The following NPAS1 variants were observed in gnomAD, a reference collection of about 807,000 sequenced individuals.
NPAS1 encodes neuronal PAS domain-containing protein 1.
In NPAS1, 29 loss-of-function variants were observed where a neutral mutation model predicts 49.2. The observed-to-expected ratio is 0.59, with a 90% CI of 0.44 to 0.80. NPAS1 has a LOEUF of 0.80. Ranked by LOEUF, NPAS1 falls within the 30% of genes least tolerant of loss-of-function variation. The pLI, the probability that NPAS1 is intolerant of heterozygous loss-of-function variation, is 0.00. For missense variants in NPAS1, 825 were observed against 835.5 expected (o/e 0.99, Z 0.15); for synonymous variants, 408 against 380.4 (o/e 1.07, Z -0.84).
At chr19:47,032,055 A>G (rs749094444) in intron 3 of NPAS1, among the ~76,000 whole-genome samples, 1 of 151,790 alleles carries the variant, frequency 6.6e-6, no homozygotes, top group South Asian at 2.1e-4. Flanking sequence ...GAGTCCCTCT[A>G]TGCACCCCCT....
In NPAS1 at chr19:47,023,930, T is replaced by C. The variant is rs1207446270; in HGVS notation, c.358+2083T>C. On this transcript the variant is annotated intron_variant, in intron 3 of 11. Transcript: ENST00000602212. The stretch of plus-strand genomic sequence containing the variant: ...GACCATCCTGGCCAACATGGTAAAA[T>C]CCCATCTCTACTAAAATACAAAAAA... Among the ~76,000 whole-genome samples, 7 of 151,566 alleles carry C rather than the reference T, an allele frequency of 4.6e-5. No homozygotes were observed. The South Asian group carries it at 1.3e-3, about 27-fold the overall frequency.
chr19:47,042,967 C>A, intron 11 of NPAS1, 63 bp downstream of exon 11: 3 of 1,303,880 alleles, frequency 2.3e-6, no homozygotes, highest in South Asian at 1.5e-5. Flanking sequence ...TCCTGGCTGT[C>A]CATTCCAGAA....
At chr19:47,023,961 C>T (rs1482828854) in intron 3 of NPAS1, among the ~76,000 whole-genome samples, 3 of 151,816 alleles carry the variant, frequency 2.0e-5, no homozygotes, top group Non-Finnish European at 2.9e-5. Context: ...AAAAATTAGC[C>T]GGGCGTGGTG....
rs201170173 is a variant in NPAS1, at chr19:47,031,181, T to TTG, written c.359-1085_359-1084dup. Among the ~76,000 whole-genome samples the TTG allele has an allele frequency of 3.5e-4, 50 of 141,058 alleles. 2 individuals carry two copies. The highest frequency in any genetic ancestry group is 3.5e-3 in the Middle Eastern group (1 of 282). The allele number at this position is 141,058 out of a possible 152,430, so 92.5% of individuals were successfully genotyped here. On this transcript the variant is annotated intron_variant, in intron 3 of 11. Coordinates refer to ENST00000602212, the MANE Select transcript of NPAS1 (RefSeq NM_002517.4). ...GGTAATTCCATATTTGTTAGTTTCT[T>TTG]TGTGTGTGTGTGTTTTTTTTTTTTT...
rs1456191591 is a variant in NPAS1 at position 47,045,561 on chromosome 19, G to C, written c.1683G>C (p.Pro561=). The part of the protein sequence containing the change: ...LVYPHLQRLG[P]GPALPEAFYP... ...ACCCGCACCTGCAGAGGCTGGGTCC[G>C]GGCCCCGCGCTCCCGGAGGCCTTTT... Residue 561 remains proline (P), a synonymous_variant, in exon 12 of 12, where the codon CCG becomes CCC. Coordinates refer to ENST00000602212, the MANE Select transcript of NPAS1 (RefSeq NM_002517.4). 8 of 1,506,236 alleles carry C rather than the reference G, an allele frequency of 5.3e-6. No homozygotes were observed. Among genetic ancestry groups the C allele is most frequent in the African/African-American group, 1.4e-5 (1 of 70,232 alleles). 93.3% of individuals were successfully genotyped at this position (1,506,236 alleles called of 1,614,324 possible).
rs878992848 is a variant in NPAS1 at position 47,035,927 on chromosome 19, C to T, written c.523-37C>T. ...GGCGAGCGAGTTACTGCGCGCGCAC[C>T]TCACCCGCCCCCTGCATTCCCCTCC... On this transcript the variant is annotated intron_variant, in intron 5 of 11. Transcript: ENST00000602212. The T allele has an allele frequency of 4.1e-6, 6 of 1,475,934 alleles. No individual in the cohort carries two copies. In the African/African-American group the frequency reaches 5.7e-5, roughly 14 times the overall value. 91.4% of individuals were successfully genotyped at this position (1,475,934 alleles called of 1,614,324 possible). A position where few individuals can be genotyped will look rare whatever the true frequency, so the allele number is the denominator to read the frequency against.
intron 3 of NPAS1, among the ~76,000 whole-genome samples, chr19:47,022,837 C>T (rs1481952665): frequency 6.6e-6 from 1 of 152,212 alleles, no homozygotes; most frequent in African/African-American, 2.4e-5. Flanking sequence ...ATTATTATTA[C>T]TCAGACTTTA....
At chr19:47,027,391 G>A (rs1390798382) in intron 3 of NPAS1, among the ~76,000 whole-genome samples, 2 of 117,324 alleles carry the variant, frequency 1.7e-5, no homozygotes, top group African/African-American at 6.8e-5. Flanking sequence ...TCTGCACCCG[G>A]TTTCCCCCTC....
chr19:47,045,337 C>T lies in NPAS1; in HGVS notation c.1459C>T (p.Pro487Ser). ...DSGDEDPSSH[P>S]ATPRPEFTSV... ...TGGCGACGAGGATCCCTCCAGCCACCCGGCCACACCGAGGCCCGAGTTCAC... is the reference window on the plus strand; with the variant it reads ...TGGCGACGAGGATCCCTCCAGCCACTCGGCCACACCGAGGCCCGAGTTCAC... The change falls in exon 12 of 12, where the codon CCG becomes TCG. Residue 487 changes from proline to serine, a missense_variant. By Grantham distance (74) the Pro-to-Ser change is moderately conservative. Coordinates refer to ENST00000602212, the MANE Select transcript of NPAS1 (RefSeq NM_002517.4). The T allele has an allele frequency of 6.2e-7, 1 of 1,613,866 alleles. No homozygotes were observed.
chr19:47,034,871 C>T (rs2056936217), intron 5 of NPAS1, among the ~76,000 whole-genome samples: 1 of 150,682 alleles, frequency 6.6e-6, no homozygotes. Flanking sequence ...AGCAAAACCC[C>T]ATCTCAAAAA....
intron 11 of NPAS1, among the ~76,000 whole-genome samples, chr19:47,044,386 C>CAAAACAA (rs1568512244): frequency 2.0e-5 from 3 of 151,836 alleles, no homozygotes; most frequent in East Asian, 1.9e-4. Flanking sequence ...CAAAACAAAA[C>CAAAACAA]AAAAAACACT....
At position 47,021,038 on chromosome 19, in the gene NPAS1, C is replaced by T. The variant is rs1263604616; in HGVS notation, c.-10C>T. ...GGGGCTCGGAGCCCGCCTGAGCGAG[C>T]CCCCCGGAGATGGCGGCCCCCTATC... On this transcript the variant is annotated 5_prime_UTR_variant, in exon 2 of 12. Transcript: ENST00000602212. The surrounding 1 kb of genome is among the most constrained non-coding windows in gnomAD (Gnocchi z 5.7). The T allele has an allele frequency of 2.0e-5, 32 of 1,596,026 alleles. No homozygotes were observed. Among genetic ancestry groups the T allele is most frequent in the Non-Finnish European group, 2.6e-5 (30 of 1,173,510 alleles).
At position 47,025,428 on chromosome 19, in the gene NPAS1, G is replaced by A. The variant is rs187719356; in HGVS notation, c.358+3581G>A. 2.1e-3 allele frequency among the ~76,000 whole-genome samples: 206 copies of A among 96,052 alleles called. 66 individuals are homozygous for A. In the East Asian group the frequency reaches 0.089, roughly 42 times the overall value. 63.0% of individuals were successfully genotyped at this position (96,052 alleles called of 152,430 possible). A position where few individuals can be genotyped will look rare whatever the true frequency, so the allele number is the denominator to read the frequency against. Reference sequence around the variant, plus strand: ...CTAATAGCTGGGATTACAGGCATGCGCCACCACGCCCAGCTAATTTTGTAT... The same window carrying A: ...CTAATAGCTGGGATTACAGGCATGCACCACCACGCCCAGCTAATTTTGTAT... On this transcript the variant is annotated intron_variant, in intron 3 of 11. Transcript: ENST00000602212.
intron 3 of NPAS1, among the ~76,000 whole-genome samples, chr19:47,024,373 G>A (rs369552258): frequency 5.9e-5 from 9 of 152,090 alleles, no homozygotes; most frequent in East Asian, 3.8e-4. Flanking sequence ...TTTCTTGGCC[G>A]GGTGCGGTGG....
At chr19:47,032,155 A>G (rs1599901965) in intron 3 of NPAS1, 123 bp from the exon 4 acceptor site, 1 of 829,638 alleles carries the variant, frequency 1.2e-6, no homozygotes, top group Admixed American at 2.6e-5. Flanking sequence ...ATGGGTGCCC[A>G]GATACCCCAA....
At chr19:47,032,513 G>A in intron 4 of NPAS1, 130 bp from the exon 5 acceptor site, 6 of 1,097,036 alleles carry the variant, frequency 5.5e-6, no homozygotes, top group Non-Finnish European at 8.2e-6. Context: ...GAGGACCACT[G>A]AAGCCCCCTC....
At chr19:47,028,086 C>T (rs371865888) in intron 3 of NPAS1, among the ~76,000 whole-genome samples, 6 of 151,956 alleles carry the variant, frequency 3.9e-5, no homozygotes, top group Non-Finnish European at 7.4e-5. Flanking sequence ...CAAGCCCCCC[C>T]ACCACCACAC....
Position 47,040,960 on chromosome 19 carries a change from T to G in NPAS1, c.1070-18T>G, listed in dbSNP as rs1201939933. The G allele has an allele frequency of 2.1e-6, 3 of 1,418,704 alleles. No homozygotes were observed. Among genetic ancestry groups the G allele is most frequent in the Non-Finnish European group, 2.8e-6 (3 of 1,078,014 alleles). 87.9% of individuals were successfully genotyped at this position (1,418,704 alleles called of 1,614,324 possible). A position where few individuals can be genotyped will look rare whatever the true frequency, so the allele number is the denominator to read the frequency against. ...CCCCACCCCACCCCCTTCCCATCTCTCCCTGGGCTGGGCCCAGTGCTGGAC... is the reference window on the plus strand; with the variant it reads ...CCCCACCCCACCCCCTTCCCATCTCGCCCTGGGCTGGGCCCAGTGCTGGAC... On this transcript the variant is annotated intron_variant, in intron 9 of 11. Coordinates refer to ENST00000602212, the MANE Select transcript of NPAS1 (RefSeq NM_002517.4).
At position 47,023,917 on chromosome 19, in the gene NPAS1, C is replaced by T. The variant is rs139300145; in HGVS notation, c.358+2070C>T. Among the ~76,000 whole-genome samples the T allele has an allele frequency of 6.6e-3, 998 of 152,142 alleles. 10 individuals are homozygous for T. Among genetic ancestry groups the T allele is most frequent in the Non-Finnish European group, 0.011 (778 of 67,992 alleles). ...GTCAGGAGTTCGAGACCATCCTGGC[C>T]AACATGGTAAAATCCCATCTCTACT... On this transcript the variant is annotated intron_variant, in intron 3 of 11. Coordinates refer to ENST00000602212, the MANE Select transcript of NPAS1 (RefSeq NM_002517.4).
Sources: gnomAD v4.1 joint callset for allele counts (sites outside exome capture counted in the v4.1 genomes callset) on GRCh38, gnomAD v4.1.1 for gene constraint, Gnocchi (gnomAD v3.1) non-coding constraint, MANE v1.5 for transcripts, NCBI Gene and HGNC (gene_info 2026-07-23, HGNC 2026-07-21) for gene names.